Variants in CSGALNACT1 observed in about 807,000 individuals in gnomAD.
The protein encoded by CSGALNACT1 is chondroitin sulfate N-acetylgalactosaminyltransferase 1.
A neutral mutation model predicts 51.0 loss-of-function variants in CSGALNACT1; 52 were observed. That is an observed-to-expected ratio of 1.02 (90% CI 0.82 to 1.29). The LOEUF is 1.29. CSGALNACT1 is among the 50% of genes most tolerant of loss of function. The pLI is 0.00. For missense variants in CSGALNACT1, 935 were observed against 679.2 expected (o/e 1.38, Z -4.19); for synonymous variants, 341 against 254.4 (o/e 1.34, Z -3.24).
At chr8:19,493,892 AC>A in intron 4 of CSGALNACT1, among the ~76,000 whole-genome samples, 1 of 152,156 alleles carries the variant, frequency 6.6e-6, no homozygotes, top group African/African-American at 2.4e-5. Context: ...ACACACACAC[AC>A]ACACACACAC....
intron 3 of CSGALNACT1, among the ~76,000 whole-genome samples, chr8:19,566,498 C>T (rs757069520): frequency 4.6e-5 from 7 of 152,252 alleles, no homozygotes; most frequent in East Asian, 3.9e-4. Context: ...GAAACCAACA[C>T]GCACACTTAA....
chr8:19,485,495 A>T (rs1385137572), intron 4 of CSGALNACT1, among the ~76,000 whole-genome samples: 4 of 152,106 alleles, frequency 2.6e-5, no homozygotes, highest in Non-Finnish European at 1.5e-5. Flanking sequence ...GGGATAGGAG[A>T]TAGGACACCC....
intron 8 of CSGALNACT1, among the ~76,000 whole-genome samples, chr8:19,416,178 G>C (rs965649823): frequency 4.3e-5 from 6 of 141,134 alleles, no homozygotes; most frequent in Non-Finnish European, 9.0e-5. Flanking sequence ...GCAGTGGCAC[G>C]ATCTCGGCTC....
At chr8:19,720,983 G>A (rs954819308) in intron 1 of CSGALNACT1, among the ~76,000 whole-genome samples, 7 of 152,164 alleles carry the variant, frequency 4.6e-5, no homozygotes, top group South Asian at 2.1e-4. Flanking sequence ...GGACAGAGAA[G>A]AAAACACACA....
At chr8:19,597,985 A>G (rs2154140372) in intron 2 of CSGALNACT1, among the ~76,000 whole-genome samples, 1 of 152,372 alleles carries the variant, frequency 6.6e-6, no homozygotes. Context: ...CCTGGGGCTC[A>G]GCAAAGGCTC....
intron 4 of CSGALNACT1, among the ~76,000 whole-genome samples, chr8:19,471,267 C>T (rs894312243): frequency 1.3e-5 from 2 of 152,168 alleles, no homozygotes; most frequent in Admixed American, 6.5e-5. Context: ...AAGGAGAACA[C>T]TGCGCATGCG....
At chr8:19,674,285 T>G (rs2060005700) in intron 1 of CSGALNACT1, among the ~76,000 whole-genome samples, 1 of 151,806 alleles carries the variant, frequency 6.6e-6, no homozygotes, top group South Asian at 2.1e-4. Context: ...AAAGTGTGAC[T>G]GTGTCTCAAA....
intron 2 of CSGALNACT1, among the ~76,000 whole-genome samples, chr8:19,600,827 T>C (rs1241429126): frequency 1.4e-5 from 2 of 146,802 alleles, no homozygotes; most frequent in Non-Finnish European, 3.0e-5. Flanking sequence ...CAAAAGTTTT[T>C]GGAAAAAAAA....
chr8:19,440,809 C>G (rs1197556913), intron 5 of CSGALNACT1, among the ~76,000 whole-genome samples: 1 of 152,032 alleles, frequency 6.6e-6, no homozygotes, highest in Non-Finnish European at 1.5e-5. Context: ...GATTGTATAT[C>G]TAGAAAACCC....
chr8:19,637,297 T>C (rs998334296), intron 1 of CSGALNACT1, among the ~76,000 whole-genome samples: 4 of 152,226 alleles, frequency 2.6e-5, no homozygotes, highest in African/African-American at 9.6e-5. Flanking sequence ...AACCACCCCC[T>C]TCTTTTCAAC....
chr8:19,418,694 C>G, exon 8 of CSGALNACT1: 1 of 1,613,504 alleles, frequency 6.2e-7, no homozygotes, highest in Non-Finnish European at 8.5e-7. Flanking sequence ...TCATGGTGGC[C>G]GTATATTATG....
At chr8:19,562,781 A>T (rs2041059782) in intron 3 of CSGALNACT1, among the ~76,000 whole-genome samples, 1 of 152,166 alleles carries the variant, frequency 6.6e-6, no homozygotes, top group Non-Finnish European at 1.5e-5. Context: ...AGAAACAAAA[A>T]ATACTGGCAA....
At chr8:19,439,225 G>A (rs1563397906) in intron 6 of CSGALNACT1, among the ~76,000 whole-genome samples, 1 of 152,214 alleles carries the variant, frequency 6.6e-6, no homozygotes, top group Admixed American at 6.5e-5. Flanking sequence ...CCATGCAATT[G>A]ATCAACTAGG....
chr8:19,485,185 C>T (rs1442951456), intron 4 of CSGALNACT1, among the ~76,000 whole-genome samples: 1 of 152,108 alleles, frequency 6.6e-6, no homozygotes, highest in Non-Finnish European at 1.5e-5. Context: ...TTTTAAATTA[C>T]ACACACATAT....
intron 2 of CSGALNACT1, among the ~76,000 whole-genome samples, chr8:19,594,636 C>G (rs1401478704): frequency 1.3e-5 from 2 of 152,098 alleles, no homozygotes; most frequent in Admixed American, 1.3e-4. Flanking sequence ...CTCCACCTCC[C>G]AGGTTCAAGC....
upstream of CSGALNACT1, among the ~76,000 whole-genome samples, chr8:19,604,557 A>G (rs1403459903): frequency 6.6e-6 from 1 of 152,102 alleles, no homozygotes; most frequent in Non-Finnish European, 1.5e-5. Context: ...TGCTCTGTTG[A>G]CTTTGCAACA....
chr8:19,754,440 A>T (rs2154254763), intron 1 of CSGALNACT1, among the ~76,000 whole-genome samples: 1 of 152,346 alleles, frequency 6.6e-6, no homozygotes, highest in African/African-American at 2.4e-5. Flanking sequence ...AAACACATTA[A>T]AAGATAAAAA....
At chr8:19,625,864 A>G (rs545152552) in intron 1 of CSGALNACT1, among the ~76,000 whole-genome samples, 1 of 152,258 alleles carries the variant, frequency 6.6e-6, no homozygotes, top group East Asian at 1.9e-4. Context: ...ACTTCACTCA[A>G]TCTGTCCCCA....
chr8:19,647,307 T>C (rs955050619), intron 1 of CSGALNACT1, among the ~76,000 whole-genome samples: 2 of 152,118 alleles, frequency 1.3e-5, no homozygotes, highest in African/African-American at 4.8e-5. Context: ...TTCCCAACAC[T>C]GTGAGAGGTC....
Sources: gnomAD v4.1 joint callset for allele counts (sites outside exome capture counted in the v4.1 genomes callset) on GRCh38, gnomAD v4.1.1 for gene constraint, MANE v1.5 for transcripts, NCBI Gene and HGNC (gene_info 2026-07-23, HGNC 2026-07-21) for gene names.